SLC12A2: variants seen among roughly 807,000 people sequenced by gnomAD.
The protein encoded by SLC12A2 is Na-K-2Cl cotransporter 1.
Under a neutral mutation model 136.3 loss-of-function variants are expected in SLC12A2, and 67 were observed. That is an observed-to-expected ratio of 0.49 (90% CI 0.40 to 0.60). The LOEUF is 0.60. Ranked by LOEUF, SLC12A2 falls within the 20% of genes least tolerant of loss-of-function variation. SLC12A2 has a pLI of 0.00. For missense variants in SLC12A2, 1,322 were observed against 1,534.7 expected, an observed-to-expected ratio of 0.86 and a Z score of 2.32; for synonymous variants, 619 against 562.9, an observed-to-expected ratio of 1.10 and a Z score of -1.41.
At chr5:128,155,216 C>T (rs1034091967) in intron 15 of SLC12A2, among the ~76,000 whole-genome samples, 15 of 152,114 alleles carry the variant, frequency 9.9e-5, no homozygotes, top group Non-Finnish European at 1.8e-4. Flanking sequence ...CAGAATGATG[C>T]ATAATTTAAA....
chr5:128,138,488 C>T (rs756076674), intron 7 of SLC12A2, 109 bp from the exon 8 acceptor site: 11 of 976,024 alleles, frequency 1.1e-5, no homozygotes, highest in Non-Finnish European at 1.6e-5. Flanking sequence ...TTACTCGTTA[C>T]TTTAACTGAA....
intron 4 of SLC12A2, among the ~76,000 whole-genome samples, chr5:128,118,301 A>G (rs1010442245): frequency 6.6e-6 from 1 of 152,188 alleles, no homozygotes; most frequent in East Asian, 1.9e-4. Context: ...TCACAATTAT[A>G]AAAATGTGGA....
At chr5:128,139,511 G>C (rs1762292492) in intron 9 of SLC12A2, among the ~76,000 whole-genome samples, 1 of 152,122 alleles carries the variant, frequency 6.6e-6, no homozygotes, top group South Asian at 2.1e-4. Flanking sequence ...GACTTAAGTG[G>C]TCAACCAGTC....
chr5:128,114,391 T>C (rs536671012), intron 3 of SLC12A2, 104 bp downstream of exon 3: 7 of 915,410 alleles, frequency 7.6e-6, no homozygotes, highest in Non-Finnish European at 1.2e-5. Context: ...TTTAACTACG[T>C]TTTCCTTTAT....
intron 1 of SLC12A2, among the ~76,000 whole-genome samples, chr5:128,090,283 T>G (rs1760260869): frequency 6.6e-6 from 1 of 152,208 alleles, no homozygotes; most frequent in African/African-American, 2.4e-5. Context: ...AGTACACTGC[T>G]AAATTGATAT....
intron 4 of SLC12A2, among the ~76,000 whole-genome samples, chr5:128,129,440 CAA>C (rs1761935949): frequency 1.3e-5 from 2 of 148,724 alleles, no homozygotes; most frequent in African/African-American, 4.9e-5. Context: ...ATTTTTATCT[CAA>C]AATCATGAGG....
At chr5:128,110,898 G>C in intron 1 of SLC12A2, 1 of 1,099,450 alleles carries the variant, frequency 9.1e-7, no homozygotes, top group Non-Finnish European at 1.4e-6. Flanking sequence ...AAGTGAGTGG[G>C]CCGCAAATCT....
At position 128,147,614 on chromosome 5, in the gene SLC12A2, T is replaced by C. The variant is rs1762570860; in HGVS notation, c.1774-8T>C. ...TTTATTTTTCCATTTTTGTCACTTTTATTTAAGGTAATGAGTATGGTGTCA... is the reference window on the plus strand; with the variant it reads ...TTTATTTTTCCATTTTTGTCACTTTCATTTAAGGTAATGAGTATGGTGTCA... On this transcript the variant is annotated splice_polypyrimidine_tract_variant and splice_region_variant and intron_variant, in intron 10 of 26. Coordinates refer to ENST00000262461, the MANE Select transcript of SLC12A2 (RefSeq NM_001046.3). 2.6e-6 allele frequency: 4 copies of C among 1,561,452 alleles called. No homozygotes were observed. Among genetic ancestry groups the C allele is most frequent in the African/African-American group, 2.7e-5 (2 of 73,812 alleles).
At chr5:128,088,004 G>A in intron 1 of SLC12A2, among the ~76,000 whole-genome samples, 1 of 49,166 alleles carries the variant, frequency 2.0e-5, no homozygotes, top group South Asian at 6.4e-4. Context: ...CGTGGAGGAG[G>A]CTCTGTGTGT....
chr5:128,123,043 G>T (rs1761649190), intron 4 of SLC12A2, among the ~76,000 whole-genome samples: 1 of 152,082 alleles, frequency 6.6e-6, no homozygotes, highest in Admixed American at 6.5e-5. Context: ...AGAATTTTCA[G>T]CATGGGTTTT....
intron 1 of SLC12A2, chr5:128,109,432 AC>A (rs965703956): frequency 2.6e-6 from 1 of 386,008 alleles, no homozygotes; most frequent in Non-Finnish European, 5.0e-6. Context: ...GCTTCTGTCC[AC>A]GTCTTACACT....
intron 18 of SLC12A2, chr5:128,170,475 CAGTA>C (rs1476131258): frequency 2.0e-5 from 3 of 152,106 alleles, no homozygotes; most frequent in Non-Finnish European, 2.9e-5. Flanking sequence ...TTCCATTTGT[CAGTA>C]AGAGTAATAA....
chr5:128,188,516 A>G lies in SLC12A2; in HGVS notation c.*1885A>G, dbSNP rs1763938057. Reference sequence around the variant, plus strand: ...CACCGTGTTGGCTAGGATGGTGTCTATCTCTTGACCTTGTGATCCACCCGC... The same window carrying G: ...CACCGTGTTGGCTAGGATGGTGTCTGTCTCTTGACCTTGTGATCCACCCGC... On this transcript the variant is annotated 3_prime_UTR_variant, in exon 27 of 27. Coordinates refer to ENST00000262461, the MANE Select transcript of SLC12A2 (RefSeq NM_001046.3). 6.6e-6 allele frequency: 1 copy of G among 151,678 alleles called. No individual in the cohort carries two copies. Among genetic ancestry groups the G allele is most frequent in the Non-Finnish European group, 1.5e-5 (1 of 67,920 alleles). The allele number at this position is 151,678 out of a possible 1,614,324, so 9.4% of individuals were successfully genotyped here. A position where few individuals can be genotyped will look rare whatever the true frequency, so the allele number is the denominator to read the frequency against.
chr5:128,087,989 A>G (rs1022093332), intron 1 of SLC12A2, among the ~76,000 whole-genome samples: 24 of 120,008 alleles, frequency 2.0e-4, no homozygotes, highest in African/African-American at 7.1e-4. Context: ...ACTTATTCCA[A>G]GAGTCGTGGA....
chr5:128,132,183 A>G (rs1395778767), intron 5 of SLC12A2, among the ~76,000 whole-genome samples: 8 of 152,132 alleles, frequency 5.3e-5, no homozygotes, highest in African/African-American at 1.7e-4. Flanking sequence ...GTAGGGAAGT[A>G]TCTGACCATG....
chr5:128,174,725 AT>A lies in SLC12A2; in HGVS notation c.2929+64del, dbSNP rs1310575843. The A allele has an allele frequency of 8.1e-5, 104 of 1,277,766 alleles. No individual in the cohort carries two copies. In the East Asian group the frequency reaches 2.5e-3, roughly 31 times the overall value. 79.2% of individuals were successfully genotyped at this position (1,277,766 alleles called of 1,614,324 possible). On this transcript the variant is annotated intron_variant, in intron 20 of 26. Coordinates refer to ENST00000262461, the MANE Select transcript of SLC12A2 (RefSeq NM_001046.3). ...AGTAATGTTTTAATTTGGGAGAAATATTTTTAATTATATAATATGTCTTATA... is the reference window on the plus strand; with the variant it reads ...AGTAATGTTTTAATTTGGGAGAAATATTTTAATTATATAATATGTCTTATA...
At position 128,171,743 on chromosome 5, in the gene SLC12A2, C is replaced by T; in HGVS notation, c.2800C>T (p.Gln934Ter). 1 of 1,560,528 alleles carries T rather than the reference C, an allele frequency of 6.4e-7. No individual in the cohort carries two copies. The highest frequency in any genetic ancestry group is 1.7e-4 in the Middle Eastern group (1 of 5,856). The change falls in exon 19 of 27, where the codon CAA becomes TAA. Residue 934 changes from glutamine (Q) to a stop codon, truncating the protein, a stop_gained. Coordinates refer to ENST00000262461, the MANE Select transcript of SLC12A2 (RefSeq NM_001046.3). LOFTEE classifies it high-confidence loss of function. ...EGLDISHLQGQEELLSSQEKS... is the reference protein window; with the variant it reads ...EGLDISHLQG The stretch of plus-strand genomic sequence containing the variant: ...TCTGGATATATCTCATCTTCAAGGA[C>T]AAGGTAAATTTTGTTGGCAATAAGT...
rs149957408 is a variant in SLC12A2 at position 128,174,654 on chromosome 5, A to G, written c.2917A>G (p.Ile973Val). The change falls in exon 20 of 27, where the codon ATT (isoleucine) becomes GTT (valine). Residue 973 changes from isoleucine to valine, a missense_variant. Physicochemically the swap from Ile to Val is conservative, Grantham distance 29. Around this residue, in one of 8 missense-constraint regions of SLC12A2, gnomAD observed 226 missense variants for 210.4 expected, o/e 1.07. Coordinates refer to ENST00000262461, the MANE Select transcript of SLC12A2 (RefSeq NM_001046.3). ...DTSKPLSEKP[I>V]THKVEEEDGK... is the part of the protein sequence containing the mutation. The stretch of plus-strand genomic sequence containing the variant: ...TTCCAAACCACTCAGTGAAAAACCA[A>G]TTACACACAAAGGTAATTTTCATTC... The G allele has an allele frequency of 1.1e-5, 17 of 1,593,722 alleles. No individual in the cohort carries two copies. In the African/African-American group the frequency reaches 1.1e-4, roughly 10 times the overall value.
Position 128,118,921 on chromosome 5 carries a change from A to G in SLC12A2, c.1048+4240A>G, listed in dbSNP as rs1055548229. On this transcript the variant is annotated intron_variant, in intron 4 of 26. Transcript: ENST00000262461. ...GATGACAGAAAATTCCAGACTGGGA[A>G]TCTCTATGGAGCAAGGAACCCTTCT... Among the ~76,000 whole-genome samples, 7 of 152,330 alleles carry G rather than the reference A, an allele frequency of 4.6e-5. No individual in the cohort carries two copies. In the South Asian group the frequency reaches 8.3e-4, roughly 18 times the overall value.
Sources: gnomAD v4.1 joint callset for allele counts (sites outside exome capture counted in the v4.1 genomes callset) on GRCh38, gnomAD v4.1.1 for gene constraint, gnomAD v4.1.1 regional missense constraint, MANE v1.5 for transcripts, NCBI Gene and HGNC (gene_info 2026-07-23, HGNC 2026-07-21) for gene names.